TNIK: variants seen among roughly 807,000 people sequenced by gnomAD.
TNIK encodes TRAF2 and NCK-interacting protein kinase.
TNIK carries 49 observed loss-of-function variants against 191.3 expected under a neutral mutation model. The observed-to-expected ratio is 0.26, with a 90% CI of 0.20 to 0.32. The LOEUF is 0.32. Ranked by LOEUF, TNIK falls within the 10% of genes least tolerant of loss-of-function variation. The probability of loss-of-function intolerance (pLI) is 1.00; values close to 1 mark genes in which losing one functional copy is unlikely to be tolerated. For missense variants in TNIK, 1,155 were observed against 1,702.3 expected (o/e 0.68, Z 5.66); for synonymous variants, 594 against 600.9 (o/e 0.99, Z 0.17).
intron 2 of TNIK, among the ~76,000 whole-genome samples, chr3:171,306,178 GA>G (rs1303109316): frequency 6.6e-6 from 1 of 152,004 alleles, no homozygotes; most frequent in Non-Finnish European, 1.5e-5. Flanking sequence ...CACATAGATG[GA>G]AAGAGGGGAA....
intron 1 of TNIK, among the ~76,000 whole-genome samples, chr3:171,423,919 A>G (rs1179444228): frequency 1.3e-5 from 2 of 152,220 alleles, no homozygotes; most frequent in African/African-American, 4.8e-5. Flanking sequence ...GGACATAGGC[A>G]TGGACAAGGA....
intron 1 of TNIK, among the ~76,000 whole-genome samples, chr3:171,427,983 G>A (rs982664473): frequency 3.3e-5 from 5 of 152,186 alleles, no homozygotes; most frequent in Admixed American, 6.5e-5. Context: ...TGAGGAGGGT[G>A]TGTGTTTGGT....
chr3:171,183,829 G>C (rs1452718582), intron 7 of TNIK, among the ~76,000 whole-genome samples: 3 of 150,206 alleles, frequency 2.0e-5, no homozygotes, highest in Non-Finnish European at 4.4e-5. Context: ...GCTGAGGCAG[G>C]AGAATCGCTT....
At chr3:171,108,033 A>C in intron 20 of TNIK, 32 bp downstream of exon 20, 1 of 1,548,274 alleles carries the variant, frequency 6.5e-7, no homozygotes, top group Non-Finnish European at 8.7e-7. Context: ...GTAAATTAAG[A>C]GTTCAAAACT....
intron 2 of TNIK, among the ~76,000 whole-genome samples, chr3:171,252,303 G>A (rs931458489): frequency 6.6e-6 from 1 of 152,118 alleles, no homozygotes; most frequent in African/African-American, 2.4e-5. Flanking sequence ...CTTAACTATA[G>A]ATAAGTGTTC....
chr3:171,447,596 C>A (rs1727668600), intron 1 of TNIK, among the ~76,000 whole-genome samples: 2 of 152,208 alleles, frequency 1.3e-5, no homozygotes, highest in South Asian at 4.1e-4. Flanking sequence ...GCTCTACGAT[C>A]TTTGGTAAAC....
chr3:171,073,031 C>T (rs1171286684), intron 28 of TNIK, among the ~76,000 whole-genome samples: 2 of 151,968 alleles, frequency 1.3e-5, no homozygotes, highest in African/African-American at 4.8e-5. Flanking sequence ...TTGTTTTTTA[C>T]AGAATTAGAA....
intron 2 of TNIK, among the ~76,000 whole-genome samples, chr3:171,264,146 G>A (rs1373717745): frequency 7.6e-6 from 1 of 131,230 alleles, no homozygotes; most frequent in Non-Finnish European, 1.6e-5. Context: ...CCCTTACCTG[G>A]CTGGCCTCCC....
At chr3:171,335,242 A>G (rs536266085) in intron 2 of TNIK, among the ~76,000 whole-genome samples, 2 of 152,332 alleles carry the variant, frequency 1.3e-5, no homozygotes, top group East Asian at 3.9e-4. Context: ...GACAAATAAA[A>G]GAAAATGCAT....
intron 3 of TNIK, among the ~76,000 whole-genome samples, chr3:171,226,684 T>G (rs1001278152): frequency 1.3e-5 from 2 of 151,078 alleles, no homozygotes; most frequent in Non-Finnish European, 3.0e-5. Context: ...TTAAGACAAA[T>G]AAAAAGAATT....
chr3:171,237,838 A>G (rs1744482310), intron 2 of TNIK, among the ~76,000 whole-genome samples: 1 of 152,144 alleles, frequency 6.6e-6, no homozygotes, highest in Admixed American at 6.5e-5. Context: ...GGATCACTTG[A>G]GCCCAGGAGT....
rs865781412 is a variant in TNIK at position 171,128,839 on chromosome 3, C to T, written c.1648G>A (p.Ala550Thr). The change falls in exon 16 of 33, where the codon GCC (alanine) becomes ACC (threonine). Residue 550 changes from alanine (A) to threonine (T), a missense_variant. Ala to Thr is a moderately conservative substitution (Grantham distance 58). Coordinates refer to ENST00000436636, the MANE Select transcript of TNIK (RefSeq NM_015028.4). The part of the protein sequence containing the change: ...RSRLNRQSSP[A>T]MPHKVANRIS... ...CTGTTGGCAACCTTGTGAGGCATGG[C>T]AGGGGAACTTTGCCGGTTGAGCCTT... 16 of 1,561,130 alleles carry T rather than the reference C, an allele frequency of 1.0e-5. No homozygotes were observed. In the Admixed American group the frequency reaches 3.1e-4, roughly 30 times the overall value.
At chr3:171,196,120 A>T (rs578090399) in intron 4 of TNIK, among the ~76,000 whole-genome samples, 1 of 152,232 alleles carries the variant, frequency 6.6e-6, no homozygotes, top group Non-Finnish European at 1.5e-5. Flanking sequence ...AAATAAAAGG[A>T]AAGACTGAAG....
At chr3:171,258,756 T>C (rs1221317244) in intron 2 of TNIK, among the ~76,000 whole-genome samples, 2 of 152,204 alleles carry the variant, frequency 1.3e-5, no homozygotes, top group African/African-American at 4.8e-5. Context: ...TTTTTCTTCC[T>C]GTTCACTTGA....
chr3:171,213,294 T>C (rs1027226738), intron 3 of TNIK, among the ~76,000 whole-genome samples: 2 of 151,970 alleles, frequency 1.3e-5, no homozygotes, highest in African/African-American at 4.8e-5. Flanking sequence ...GAAGCCTAAA[T>C]AGAAAGGGAG....
At chr3:171,219,516 T>C (rs1742016989) in intron 3 of TNIK, among the ~76,000 whole-genome samples, 1 of 151,876 alleles carries the variant, frequency 6.6e-6, no homozygotes, top group South Asian at 2.1e-4. Context: ...CTTGAAAGCT[T>C]ATTAAAGTCA....
chr3:171,401,905 C>T (rs1721003561), intron 1 of TNIK, among the ~76,000 whole-genome samples: 1 of 152,158 alleles, frequency 6.6e-6, no homozygotes, highest in Admixed American at 6.5e-5. Context: ...TTGCTACAAC[C>T]ACTGTTGTTA....
chr3:171,275,740 CA>C (rs887211791), intron 2 of TNIK, among the ~76,000 whole-genome samples: 12 of 151,480 alleles, frequency 7.9e-5, no homozygotes, highest in Non-Finnish European at 1.6e-4. Flanking sequence ...ACTAAAAATA[CA>C]AAAAAATTAG....
At chr3:171,226,894 G>C (rs1191921082) in intron 3 of TNIK, among the ~76,000 whole-genome samples, 2 of 151,978 alleles carry the variant, frequency 1.3e-5, no homozygotes, top group African/African-American at 4.8e-5. Context: ...GAGCCCAAAA[G>C]GTATGGGTTG....
Sources: gnomAD v4.1 joint callset for allele counts (sites outside exome capture counted in the v4.1 genomes callset) on GRCh38, gnomAD v4.1.1 for gene constraint, MANE v1.5 for transcripts, NCBI Gene and HGNC (gene_info 2026-07-23, HGNC 2026-07-21) for gene names.